WDFY2: variants seen among roughly 807,000 people sequenced by gnomAD.
The protein encoded by WDFY2 is WD repeat and FYVE domain-containing protein 2.
WDFY2 carries 36 observed loss-of-function variants against 56.4 expected under a neutral mutation model. The ratio of observed to expected loss-of-function variants is 0.64; its 90% CI spans 0.49 to 0.84. The LOEUF is 0.84. WDFY2 is among the 40% of genes least tolerant of loss of function. The pLI, the probability that WDFY2 is intolerant of heterozygous loss-of-function variation, is 0.00. For synonymous variants in WDFY2, 176 were observed against 183.7 expected (o/e 0.96, Z 0.34); for missense variants, 444 against 512.2 (o/e 0.87, Z 1.29).
chr13:51,695,266 T>G (rs1036507518), intron 3 of WDFY2, among the ~76,000 whole-genome samples: 5 of 152,224 alleles, frequency 3.3e-5, no homozygotes, highest in Non-Finnish European at 7.3e-5. Context: ...CTCTGCTTTT[T>G]AGAGTTTCCA....
chr13:51,634,880 A>G (rs1046664652), intron 1 of WDFY2, among the ~76,000 whole-genome samples: 1 of 152,126 alleles, frequency 6.6e-6, no homozygotes, highest in Non-Finnish European at 1.5e-5. Flanking sequence ...GAGGGAAGGG[A>G]AGAATGCAGA....
chr13:51,666,635 T>C (rs1174221026), intron 2 of WDFY2, among the ~76,000 whole-genome samples: 1 of 152,216 alleles, frequency 6.6e-6, no homozygotes, highest in African/African-American at 2.4e-5. Flanking sequence ...CCTGGTACTT[T>C]GTCATTATGG....
At chr13:51,641,118 G>T (rs1401725466) in intron 1 of WDFY2, among the ~76,000 whole-genome samples, 2 of 152,054 alleles carry the variant, frequency 1.3e-5, no homozygotes, top group African/African-American at 4.8e-5. Context: ...TGTTGCCCAG[G>T]CTGGAGTGCA....
At chr13:51,746,542 TATAA>T (rs1953109225) in intron 7 of WDFY2, among the ~76,000 whole-genome samples, 1 of 152,248 alleles carries the variant, frequency 6.6e-6, no homozygotes, top group Admixed American at 6.5e-5. Context: ...CACTCCAGGT[TATAA>T]AGTTGATTTG....
intron 1 of WDFY2, among the ~76,000 whole-genome samples, chr13:51,602,940 C>G (rs1045454432): frequency 6.6e-6 from 1 of 152,076 alleles, no homozygotes; most frequent in Non-Finnish European, 1.5e-5. Flanking sequence ...CCAGCTCTGC[C>G]CCTTCGCTTG....
chr13:51,689,752 C>T (rs1427919454), intron 3 of WDFY2, among the ~76,000 whole-genome samples: 1 of 152,130 alleles, frequency 6.6e-6, no homozygotes. Context: ...CCAGTGAAAC[C>T]TCTTTTCATA....
chr13:51,767,257 AT>A lies in WDFY2; in HGVS notation c.*7490del, dbSNP rs1566266282. 6.6e-6 allele frequency: 1 copy of A among 152,268 alleles called. No individual in the cohort carries two copies. The highest frequency in any genetic ancestry group is 2.4e-5 in the African/African-American group (1 of 41,468). 9.4% of individuals were successfully genotyped at this position (152,268 alleles called of 1,614,324 possible). On this transcript the variant is annotated 3_prime_UTR_variant, in exon 12 of 12. Coordinates refer to ENST00000298125, the MANE Select transcript of WDFY2 (RefSeq NM_052950.4). ...CAGCACAGCGTCGCCCACACCCAGC[AT>A]TGCTGAGGCCCATCATCCTCCTGCA...
chr13:51,656,655 T>G (rs1955514390), intron 1 of WDFY2, among the ~76,000 whole-genome samples: 1 of 152,058 alleles, frequency 6.6e-6, no homozygotes, highest in South Asian at 2.1e-4. Flanking sequence ...ATTAATATTT[T>G]AGGGGCTCTG....
intron 1 of WDFY2, among the ~76,000 whole-genome samples, chr13:51,639,272 A>G (rs1955111782): frequency 1.3e-5 from 2 of 152,318 alleles, no homozygotes; most frequent in South Asian, 2.1e-4. Context: ...AGGTAATGTG[A>G]TTTTGATTTA....
In WDFY2 at chr13:51,720,208, T is replaced by G. The variant is rs17597960; in HGVS notation, c.485+860T>G. 7.3e-3 allele frequency among the ~76,000 whole-genome samples: 1,117 copies of G among 152,350 alleles called. 12 individuals carry two copies. The highest frequency in any genetic ancestry group is 0.012 in the Non-Finnish European group (815 of 68,032). On this transcript the variant is annotated intron_variant, in intron 5 of 11. Transcript: ENST00000298125. ...ATTTATAAAATGCCTATTCAGTGAT[T>G]CGCAACATCTGACAAAGTACATTGC...
chr13:51,710,642 T>C (rs1231572248), intron 4 of WDFY2, among the ~76,000 whole-genome samples: 1 of 152,082 alleles, frequency 6.6e-6, no homozygotes, highest in African/African-American at 2.4e-5. Flanking sequence ...TATACACCAA[T>C]AACAGACAAA....
At chr13:51,624,741 T>G (rs1954808495) in intron 1 of WDFY2, among the ~76,000 whole-genome samples, 1 of 152,188 alleles carries the variant, frequency 6.6e-6, no homozygotes. Context: ...CTAGAGCACT[T>G]CTCACAGAGG....
chr13:51,721,513 C>T (rs894584574), intron 5 of WDFY2, among the ~76,000 whole-genome samples: 3 of 152,126 alleles, frequency 2.0e-5, no homozygotes, highest in Non-Finnish European at 2.9e-5. Context: ...CTCCTCCCTT[C>T]GAGCATCTCC....
chr13:51,722,487 G>T (rs540420428), intron 5 of WDFY2, among the ~76,000 whole-genome samples: 6 of 152,210 alleles, frequency 3.9e-5, no homozygotes, highest in Non-Finnish European at 5.9e-5. Flanking sequence ...ACAATAATAA[G>T]AAGGAGAGAA....
intron 1 of WDFY2, among the ~76,000 whole-genome samples, chr13:51,659,635 T>C (rs1440529762): frequency 7.2e-5 from 11 of 152,250 alleles, no homozygotes; most frequent in Non-Finnish European, 1.5e-4. Context: ...GAGTCTTTGG[T>C]GTCTGCTCTC....
chr13:51,595,245 A>C (rs1418735649), intron 1 of WDFY2, among the ~76,000 whole-genome samples: 1 of 152,148 alleles, frequency 6.6e-6, no homozygotes, highest in Non-Finnish European at 1.5e-5. Context: ...CATGGCTTCC[A>C]TAAGGAATAC....
chr13:51,594,153 A>G (rs985286240), intron 1 of WDFY2: 4 of 152,202 alleles, frequency 2.6e-5, no homozygotes, highest in African/African-American at 9.7e-5. Flanking sequence ...TTCTGGGCTC[A>G]AGTGAACCTC....
chr13:51,712,895 A>G (rs754457397), intron 4 of WDFY2, among the ~76,000 whole-genome samples: 3 of 152,188 alleles, frequency 2.0e-5, no homozygotes, highest in Admixed American at 1.3e-4. Flanking sequence ...AAATCTTTGA[A>G]AAATACAAAT....
intron 7 of WDFY2, among the ~76,000 whole-genome samples, chr13:51,746,951 T>A (rs965135353): frequency 2.0e-5 from 3 of 152,228 alleles, no homozygotes; most frequent in Non-Finnish European, 4.4e-5. Context: ...CTAAAAAGGG[T>A]CCAGAAATCC....
Sources: gnomAD v4.1 joint callset for allele counts (sites outside exome capture counted in the v4.1 genomes callset) on GRCh38, gnomAD v4.1.1 for gene constraint, MANE v1.5 for transcripts, NCBI Gene and HGNC (gene_info 2026-07-23, HGNC 2026-07-21) for gene names.